SIPA1L2: variants seen among roughly 807,000 people sequenced by gnomAD.
The protein encoded by SIPA1L2 is signal induced proliferation associated 1 like 2.
In SIPA1L2, 56 loss-of-function variants were observed where a neutral mutation model predicts 163.9. The observed-to-expected ratio is 0.34, with a 90% CI of 0.28 to 0.43. The LOEUF (loss-of-function observed/expected upper bound fraction) is 0.43. Among genes scored for constraint, SIPA1L2 ranks in the 20% least tolerant of loss-of-function variants. SIPA1L2 has a pLI of 1.00. For synonymous variants in SIPA1L2, 877 were observed against 865.7 expected (o/e 1.01, Z -0.23); for missense variants, 1,974 against 2,193.5 (o/e 0.90, Z 2.00).
chr1:232,550,741 T>C (rs1346601375), intron 2 of SIPA1L2, among the ~76,000 whole-genome samples: 1 of 152,200 alleles, frequency 6.6e-6, no homozygotes, highest in Non-Finnish European at 1.5e-5. Context: ...ATGCATTTCA[T>C]TGAGAAAACG....
intron 18 of SIPA1L2, among the ~76,000 whole-genome samples, chr1:232,419,300 A>G (rs1661433016): frequency 6.6e-6 from 1 of 152,264 alleles, no homozygotes. Context: ...ATGAATAATC[A>G]ACATGAAAAA....
chr1:232,402,969 G>A (rs758406294), intron 21 of SIPA1L2, among the ~76,000 whole-genome samples: 24 of 152,220 alleles, frequency 1.6e-4, no homozygotes, highest in Admixed American at 4.6e-4. Context: ...ATGAATATAG[G>A]GGAAAGAGTG....
rs200291148 is a variant in SIPA1L2, at chr1:232,515,159, C to T, written c.181G>A (p.Gly61Ser). The change falls in exon 3 of 23, where the codon GGT becomes AGT. Residue 61 changes from glycine to serine, a missense_variant. This residue lies in a region of SIPA1L2 where 607 missense variants were observed against 624.0 expected (regional missense o/e 0.97). Transcript: ENST00000674635. Reference protein sequence around the residue: ...LNASNSNETGGGGPANGTPAV... With the variant: ...LNASNSNETGSGGPANGTPAV... ...GGGGTACCATTAGCCGGACCACCACCGCCAGTCTCATTGGAATTCGAGGCA... is the reference window on the plus strand; with the variant it reads ...GGGGTACCATTAGCCGGACCACCACTGCCAGTCTCATTGGAATTCGAGGCA... The T allele has an allele frequency of 7.0e-5, 113 of 1,614,160 alleles. No homozygotes were observed. Among genetic ancestry groups the T allele is most frequent in the African/African-American group, 5.5e-4 (41 of 75,054 alleles).
intron 2 of SIPA1L2, among the ~76,000 whole-genome samples, chr1:232,544,574 T>G (rs1388756817): frequency 7.1e-6 from 1 of 140,426 alleles, no homozygotes; most frequent in Non-Finnish European, 1.6e-5. Context: ...AAAAAAAAAG[T>G]GCTTGAATGC....
chr1:232,597,820 A>G (rs536160447), intron 1 of SIPA1L2, among the ~76,000 whole-genome samples: 2 of 152,098 alleles, frequency 1.3e-5, no homozygotes, highest in Non-Finnish European at 2.9e-5. Context: ...GACCTGAGCA[A>G]TTTCAGAGGT....
chr1:232,501,909 C>A (rs1047235492), intron 3 of SIPA1L2, among the ~76,000 whole-genome samples: 1 of 151,318 alleles, frequency 6.6e-6, no homozygotes, highest in Non-Finnish European at 1.5e-5. Flanking sequence ...CTTTCATATA[C>A]CCTGCCTTCC....
chr1:232,564,666 CT>C (rs1462412437), intron 2 of SIPA1L2, among the ~76,000 whole-genome samples: 1 of 152,058 alleles, frequency 6.6e-6, no homozygotes, highest in Non-Finnish European at 1.5e-5. Flanking sequence ...TTTACTTTTC[CT>C]TTTTTCAATA....
chr1:232,479,773 A>C (rs1470963886), intron 6 of SIPA1L2, 43 bp from the exon 7 acceptor site: 2 of 1,533,028 alleles, frequency 1.3e-6, no homozygotes, highest in African/African-American at 1.4e-5. Context: ...AAGCTGCTAC[A>C]AAATTAGTGC....
intron 3 of SIPA1L2, among the ~76,000 whole-genome samples, chr1:232,502,942 AT>A (rs1284332429): frequency 1.3e-5 from 2 of 152,226 alleles, no homozygotes; most frequent in African/African-American, 4.8e-5. Context: ...CCCTTTTCAA[AT>A]GATATCCTGC....
chr1:232,453,356 G>T (rs553341248), intron 10 of SIPA1L2, among the ~76,000 whole-genome samples: 4 of 152,220 alleles, frequency 2.6e-5, no homozygotes, highest in Admixed American at 1.3e-4. Context: ...GTTGGACCAG[G>T]TACCACAGAC....
intron 1 of SIPA1L2, among the ~76,000 whole-genome samples, chr1:232,606,259 T>G (rs1307927574): frequency 6.6e-6 from 1 of 152,198 alleles, no homozygotes; most frequent in African/African-American, 2.4e-5. Flanking sequence ...TTTCAGAATT[T>G]TAATAGAAGC....
intron 2 of SIPA1L2, among the ~76,000 whole-genome samples, chr1:232,551,638 CAG>C (rs1658387952): frequency 1.3e-5 from 2 of 152,222 alleles, no homozygotes; most frequent in Non-Finnish European, 2.9e-5. Context: ...CCTCCGCAGA[CAG>C]AGCGCTCCAG....
At chr1:232,423,234 G>T (rs1661681282) in intron 18 of SIPA1L2, among the ~76,000 whole-genome samples, 1 of 152,192 alleles carries the variant, frequency 6.6e-6, no homozygotes, top group African/African-American at 2.4e-5. Context: ...TGTTCAGTAG[G>T]TTAGGTCGCC....
At position 232,513,934 on chromosome 1, in the gene SIPA1L2, C is replaced by G; in HGVS notation, c.1406G>C (p.Arg469Thr). ...EVPRENQPIH[R>T]EKVKRYIIEH... ...TATGATGTAGCGCTTCACTTTCTCCCTGTGAATAGGCTGGTTTTCTCTGGG... is the reference window on the plus strand; with the variant it reads ...TATGATGTAGCGCTTCACTTTCTCCGTGTGAATAGGCTGGTTTTCTCTGGG... The change falls in exon 3 of 23, where the codon AGG becomes ACG. Residue 469 changes from arginine to threonine, a missense_variant. Coordinates refer to ENST00000674635, the MANE Select transcript of SIPA1L2 (RefSeq NM_020808.5). The G allele has an allele frequency of 6.2e-7, 1 of 1,614,062 alleles. No individual in the cohort carries two copies. The highest frequency in any genetic ancestry group is 1.1e-5 in the South Asian group (1 of 91,044).
At chr1:232,503,396 T>C (rs530219288) in intron 3 of SIPA1L2, among the ~76,000 whole-genome samples, 33 of 152,346 alleles carry the variant, frequency 2.2e-4, no homozygotes, top group African/African-American at 6.3e-4. Flanking sequence ...AAGCTGTTTC[T>C]AGATACGGTG....
intron 2 of SIPA1L2, among the ~76,000 whole-genome samples, chr1:232,572,744 T>TACATAC (rs1558277526): frequency 1.0e-4 from 10 of 95,972 alleles, no homozygotes; most frequent in African/African-American, 3.5e-4. Context: ...CATACATATA[T>TACATAC]ATATATATAT....
chr1:232,618,757 C>A (rs925338153), intron 1 of SIPA1L2, among the ~76,000 whole-genome samples: 2 of 151,782 alleles, frequency 1.3e-5, no homozygotes, highest in South Asian at 4.2e-4. Flanking sequence ...AGTCTCAAAA[C>A]AAAACACATG....
At chr1:232,587,466 T>C (rs2102819336) in intron 1 of SIPA1L2, among the ~76,000 whole-genome samples, 1 of 152,244 alleles carries the variant, frequency 6.6e-6, no homozygotes, top group East Asian at 1.9e-4. Flanking sequence ...CCCCTTAGGA[T>C]CCCCAAGGCT....
chr1:232,444,232 T>G (rs1663073551), intron 11 of SIPA1L2, among the ~76,000 whole-genome samples: 1 of 152,200 alleles, frequency 6.6e-6, no homozygotes, highest in African/African-American at 2.4e-5. Flanking sequence ...TTGCCAAGTT[T>G]CCCTTTTGCT....
Sources: gnomAD v4.1 joint callset for allele counts (sites outside exome capture counted in the v4.1 genomes callset) on GRCh38, gnomAD v4.1.1 for gene constraint, gnomAD v4.1.1 regional missense constraint, MANE v1.5 for transcripts, NCBI Gene and HGNC (gene_info 2026-07-23, HGNC 2026-07-21) for gene names.